VPS13C: variants seen among roughly 807,000 people sequenced by gnomAD.
VPS13C encodes intermembrane lipid transfer protein VPS13C.
A neutral mutation model predicts 456.8 loss-of-function variants in VPS13C; 358 were observed. The ratio of observed to expected loss-of-function variants is 0.78; its 90% CI spans 0.72 to 0.86. The LOEUF is 0.86. Ranked by LOEUF, VPS13C falls within the 40% of genes least tolerant of loss-of-function variation. The pLI is 0.00. For missense variants in VPS13C, 4,818 were observed against 4,385.4 expected, an observed-to-expected ratio of 1.10 and a Z score of -2.79; for synonymous variants, 1,578 against 1,486.7, an observed-to-expected ratio of 1.06 and a Z score of -1.41.
In VPS13C at chr15:61,922,153, A is replaced by G; in HGVS notation, c.6976-120T>C. 2.7e-6 allele frequency: 3 copies of G among 1,109,162 alleles called. No homozygotes were observed. The South Asian group carries it at 4.5e-5, about 17-fold the overall frequency. The allele number at this position is 1,109,162 out of a possible 1,614,324, so 68.7% of individuals were successfully genotyped here. On this transcript the variant is annotated intron_variant, in intron 54 of 84. Transcript: ENST00000644861. ...ATATCATTAGCCATTTTCAAAACCCATCTAACAATATATAGAGTGTATTTT... is the reference window on the plus strand; with the variant it reads ...ATATCATTAGCCATTTTCAAAACCCGTCTAACAATATATAGAGTGTATTTT...
intron 67 of VPS13C, among the ~76,000 whole-genome samples, chr15:61,886,026 T>G (rs1019155526): frequency 6.6e-6 from 1 of 152,152 alleles, no homozygotes; most frequent in African/African-American, 2.4e-5. Flanking sequence ...CTTCAATTCT[T>G]TAAGCAACTG....
At chr15:61,941,692 T>C in intron 46 of VPS13C, 71 bp downstream of exon 46, 1 of 1,459,148 alleles carries the variant, frequency 6.9e-7, no homozygotes, top group Non-Finnish European at 9.2e-7. Context: ...TACAACATTT[T>C]ACCTTAGGTA....
rs866871007 is a variant in VPS13C, at chr15:61,910,290, G to A, written c.8731C>T (p.Pro2911Ser). 1.3e-6 allele frequency: 2 copies of A among 1,519,220 alleles called. No homozygotes were observed. The highest frequency in any genetic ancestry group is 2.6e-5 in the South Asian group (2 of 75,982). The allele number at this position is 1,519,220 out of a possible 1,614,324, so 94.1% of individuals were successfully genotyped here. A position where few individuals can be genotyped will look rare whatever the true frequency, so the allele number is the denominator to read the frequency against. Residue 2911 changes from proline (P) to serine (S), a missense_variant, in exon 64 of 85, where the codon CCA becomes TCA. Around this residue, in one of 3 missense-constraint regions of VPS13C, gnomAD observed 4,552 missense variants for 4,130.6 expected, o/e 1.10. Transcript: ENST00000644861. Reference protein sequence around the residue: ...IASSECLPFWPESLSGKLCVR... With the variant: ...IASSECLPFWSESLSGKLCVR... ...CAAAGTTTGCCTGACAAACTTTCTG[G>A]CCAAAATGGAAGGCACTAAAAATAT...
intron 71 of VPS13C, 139 bp from the exon 72 acceptor site, chr15:61,881,093 T>C: frequency 1.4e-6 from 1 of 703,710 alleles, no homozygotes; most frequent in Non-Finnish European, 2.3e-6. Context: ...AAGATCAAAG[T>C]CTTCTTAGAT....
At chr15:61,988,120 T>C (rs574191577) in intron 18 of VPS13C, among the ~76,000 whole-genome samples, 4 of 152,192 alleles carry the variant, frequency 2.6e-5, no homozygotes, top group South Asian at 2.1e-4. Flanking sequence ...CAAAAGAAGA[T>C]AGAAACAAAA....
intron 50 of VPS13C, 83 bp downstream of exon 50, chr15:61,931,007 A>T: frequency 1.3e-6 from 2 of 1,506,402 alleles, no homozygotes; most frequent in Admixed American, 1.8e-5. Context: ...TTTTTGGATG[A>T]TCCCTAGCCT....
Position 61,952,701 on chromosome 15 carries a change from AGTTT to A in VPS13C, c.4300-725_4300-722del, listed in dbSNP as rs568352114. 1.6e-3 allele frequency among the ~76,000 whole-genome samples: 238 copies of A among 152,156 alleles called. 4 individuals carry two copies. In the South Asian group the frequency reaches 0.037, roughly 24 times the overall value. ...AAAAAGTAGAGCCCATTCCTTTAAAAGTTTGTTTGTTTGTTTATTGACTGATTGA... is the reference window on the plus strand; with the variant it reads ...AAAAAGTAGAGCCCATTCCTTTAAAAGTTTGTTTGTTTATTGACTGATTGA... On this transcript the variant is annotated intron_variant, in intron 38 of 84. Coordinates refer to ENST00000644861, the MANE Select transcript of VPS13C (RefSeq NM_020821.3).
intron 73 of VPS13C, among the ~76,000 whole-genome samples, chr15:61,880,286 A>T (rs1399229419): frequency 1.3e-5 from 2 of 152,132 alleles, no homozygotes; most frequent in African/African-American, 4.8e-5. Flanking sequence ...CTCTGTTTAG[A>T]CAGTGATAGT....
Position 61,953,288 on chromosome 15 carries a change from C to T in VPS13C, c.4299+1133G>A, listed in dbSNP as rs1472517263. Among the ~76,000 whole-genome samples the T allele has an allele frequency of 7.3e-5, 11 of 151,094 alleles. No individual in the cohort carries two copies. The South Asian group carries it at 1.0e-3, about 14-fold the overall frequency. ...AGTTTTAGGGTACATGTGCACAATG[C>T]GCAGGTTAGTTATATATGTATACAT... On this transcript the variant is annotated intron_variant, in intron 38 of 84. Transcript: ENST00000644861.
At chr15:61,909,665 G>A (rs1485895171) in intron 64 of VPS13C, among the ~76,000 whole-genome samples, 2 of 152,102 alleles carry the variant, frequency 1.3e-5, no homozygotes, top group Admixed American at 6.6e-5. Flanking sequence ...AAAAATCAAA[G>A]ACATTTTATT....
chr15:61,911,388 G>A (rs2043297374), intron 63 of VPS13C, among the ~76,000 whole-genome samples: 1 of 152,096 alleles, frequency 6.6e-6, no homozygotes, highest in Non-Finnish European at 1.5e-5. Flanking sequence ...AAAGTGAGAG[G>A]GCAGAATTTT....
intron 24 of VPS13C, among the ~76,000 whole-genome samples, chr15:61,975,284 G>A (rs1228895055): frequency 6.6e-6 from 1 of 151,752 alleles, no homozygotes; most frequent in Non-Finnish European, 1.5e-5. Flanking sequence ...ATATCAGAGA[G>A]GAAATCAGGA....
rs771836644 is a variant in VPS13C at position 61,869,585 on chromosome 15, T to C, written c.10663A>G (p.Ile3555Val). Residue 3555 changes from isoleucine to valine, a missense_variant, in exon 80 of 85, where the codon ATT becomes GTT. Coordinates refer to ENST00000644861, the MANE Select transcript of VPS13C (RefSeq NM_020821.3). ...KEGAAGFFKG[I>V]GKGLVGAVAR... ...ACAGCACCCACAAGCCCTTTTCCAA[T>C]TCCTTTAAAGAATCCAGCAGCTCCT... 1.7e-5 allele frequency: 27 copies of C among 1,614,102 alleles called. No homozygotes were observed. The South Asian group carries it at 3.0e-4, about 18-fold the overall frequency.
chr15:61,911,613 G>A (rs1269003655), intron 63 of VPS13C, among the ~76,000 whole-genome samples: 1 of 151,982 alleles, frequency 6.6e-6, no homozygotes. Context: ...TACACATATA[G>A]GAAGAATTAG....
At chr15:61,913,537 T>A (rs1031976657) in intron 61 of VPS13C, 122 bp from the exon 62 acceptor site, 3 of 743,172 alleles carry the variant, frequency 4.0e-6, no homozygotes, top group Non-Finnish European at 6.4e-6. Flanking sequence ...AAATATATAA[T>A]CAAAGCCATA....
At chr15:61,930,570 C>T (rs536509315) in intron 50 of VPS13C, among the ~76,000 whole-genome samples, 2 of 152,262 alleles carry the variant, frequency 1.3e-5, no homozygotes, top group East Asian at 3.9e-4. Flanking sequence ...CATAATTAGG[C>T]TATTGAAAAT....
intron 50 of VPS13C, 27 bp downstream of exon 50, chr15:61,931,063 T>C (rs756961705): frequency 1.2e-6 from 2 of 1,612,836 alleles, no homozygotes; most frequent in Non-Finnish European, 8.5e-7. Context: ...CCTTAAATAA[T>C]GTATTGCAAA....
At chr15:61,881,326 C>A (rs1465295056) in intron 71 of VPS13C, among the ~76,000 whole-genome samples, 2 of 152,022 alleles carry the variant, frequency 1.3e-5, no homozygotes, top group African/African-American at 2.4e-5. Context: ...ATTTTATATT[C>A]TAATTGAAGT....
rs1440567265 is a variant in VPS13C at position 61,941,792 on chromosome 15, G to A, written c.5424C>T (p.Asn1808=). The A allele has an allele frequency of 1.2e-6, 2 of 1,612,702 alleles. No homozygotes were observed. The highest frequency in any genetic ancestry group is 2.7e-5 in the African/African-American group (2 of 74,906). ...ACAGCTTCAACTGAGTGAGTTCGAT[G>A]TTCATTTTATCAATGACTGGAGGAA... ...YSLPPVIDKM[N]IELTQLKLSR... is the part of the protein sequence containing the mutation. Residue 1808 remains asparagine (N), a synonymous_variant, in exon 46 of 85, where the codon AAC becomes AAT. Coordinates refer to ENST00000644861, the MANE Select transcript of VPS13C (RefSeq NM_020821.3).
Sources: gnomAD v4.1 joint callset for allele counts (sites outside exome capture counted in the v4.1 genomes callset) on GRCh38, gnomAD v4.1.1 for gene constraint, gnomAD v4.1.1 regional missense constraint, MANE v1.5 for transcripts, NCBI Gene and HGNC (gene_info 2026-07-23, HGNC 2026-07-21) for gene names.